USP34: variants seen among roughly 807,000 people sequenced by gnomAD.
The protein encoded by USP34 is ubiquitin carboxyl-terminal hydrolase 34.
In USP34, 70 loss-of-function variants were observed where a neutral mutation model predicts 460.3. The ratio of observed to expected loss-of-function variants is 0.15; its 90% CI spans 0.13 to 0.19. The LOEUF (loss-of-function observed/expected upper bound fraction) is 0.19, where lower values mean the gene tolerates loss of function less well. Ranked by LOEUF, USP34 falls within the 10% of genes least tolerant of loss-of-function variation. The pLI, the probability that USP34 is intolerant of heterozygous loss-of-function variation, is 1.00. For missense variants in USP34, 3,985 were observed against 4,236.2 expected (o/e 0.94, Z 1.65); for synonymous variants, 1,647 against 1,405.3 (o/e 1.17, Z -3.85).
intron 15 of USP34, among the ~76,000 whole-genome samples, chr2:61,346,064 ATTAGATGTGTAAAAT>A (rs1691757277): frequency 6.6e-6 from 1 of 152,224 alleles, no homozygotes; most frequent in African/African-American, 2.4e-5. Context: ...ATACCCTAAA[ATTAGATGTGTAAAAT>A]TTCCCTTTCT....
chr2:61,188,237 G>C lies in USP34; in HGVS notation c.10506C>G (p.Leu3502=), dbSNP rs748481815. ...PSQDPEVALS[L]SCGHSRGLFS... is the part of the protein sequence containing the mutation. ...AGAGTCCTCTGGAATGGCCACAACT[G>C]AGAGATAAAGCAACCTCAGGGTCCT... Residue 3502 remains leucine (L), a synonymous_variant, in exon 80 of 80, where the codon CTC becomes CTG. Transcript: ENST00000398571. The C allele has an allele frequency of 2.2e-5, 35 of 1,614,038 alleles. 1 individual carries two copies. The South Asian group carries it at 3.7e-4, about 17-fold the overall frequency.
chr2:61,338,047 C>A (rs1239588926), intron 18 of USP34, among the ~76,000 whole-genome samples: 9 of 152,172 alleles, frequency 5.9e-5, no homozygotes, highest in Admixed American at 5.9e-4. Flanking sequence ...ACCGGCCAGG[C>A]ACAGTGACTC....
intron 67 of USP34, among the ~76,000 whole-genome samples, chr2:61,215,404 A>G (rs565226939): frequency 2.0e-5 from 3 of 152,240 alleles, no homozygotes; most frequent in Non-Finnish European, 4.4e-5. Flanking sequence ...CAGAACATTA[A>G]CTTTGGAAAA....
intron 1 of USP34, among the ~76,000 whole-genome samples, chr2:61,445,222 TAAAAAAAAAA>T (rs57854651): frequency 2.5e-4 from 10 of 40,646 alleles, no homozygotes; most frequent in African/African-American, 9.5e-4. Flanking sequence ...AGAACCACAC[TAAAAAAAAAA>T]AAAAAAAAAA....
chr2:61,213,616 G>A (rs967057882), intron 68 of USP34, among the ~76,000 whole-genome samples: 2 of 152,174 alleles, frequency 1.3e-5, no homozygotes, highest in Non-Finnish European at 2.9e-5. Context: ...TTGTTTGGAT[G>A]CAGCTTGAGA....
At chr2:61,306,041 C>G (rs1027281016) in intron 27 of USP34, among the ~76,000 whole-genome samples, 2 of 152,140 alleles carry the variant, frequency 1.3e-5, no homozygotes, top group African/African-American at 4.8e-5. Flanking sequence ...TGCCTGTTCA[C>G]TCTGATGGTA....
chr2:61,188,211 A>G lies in USP34; in HGVS notation c.10532T>C (p.Phe3511Ser). 6.2e-7 allele frequency: 1 copy of G among 1,614,164 alleles called. No homozygotes were observed. The highest frequency in any genetic ancestry group is 8.5e-7 in the Non-Finnish European group (1 of 1,180,038). ...AATGTCATGTTGCTGCATATGACTA[A>G]AGAGTCCTCTGGAATGGCCACAACT... ...SLSCGHSRGLFSHMQQHDILD... is the reference protein window; with the variant it reads ...SLSCGHSRGLSSHMQQHDILD... The change falls in exon 80 of 80, where the codon TTT (phenylalanine) becomes TCT (serine). Residue 3511 changes from phenylalanine to serine, a missense_variant. Around this residue, in one of 14 missense-constraint regions of USP34, gnomAD observed 506 missense variants for 439.0 expected, o/e 1.15. Transcript: ENST00000398571.
At chr2:61,444,288 G>C (rs1695048727) in intron 1 of USP34, among the ~76,000 whole-genome samples, 1 of 151,870 alleles carries the variant, frequency 6.6e-6, no homozygotes, top group East Asian at 1.9e-4. Flanking sequence ...AAAAGCCTAA[G>C]AATTAAAATA....
At chr2:61,332,220 C>T (rs1368322965) in intron 19 of USP34, among the ~76,000 whole-genome samples, 1 of 151,984 alleles carries the variant, frequency 6.6e-6, no homozygotes, top group East Asian at 1.9e-4. Context: ...CAATTTTAAA[C>T]TATGGGCCAT....
intron 23 of USP34, among the ~76,000 whole-genome samples, chr2:61,316,609 G>GT (rs1258692896): frequency 7.1e-6 from 1 of 140,810 alleles, no homozygotes; most frequent in Non-Finnish European, 1.5e-5. Context: ...TAATGGCCTG[G>GT]TGCAGTGGCT....
chr2:61,211,932 A>G lies in USP34; in HGVS notation c.8683-3T>C, dbSNP rs1286394511. ...AGGTTAAACAGTTCTTCTACTGCCT[A>G]AAAAAGCCAAATAAGCCATATGATC... On this transcript the variant is annotated splice_polypyrimidine_tract_variant and splice_region_variant and intron_variant, in intron 68 of 79. Transcript: ENST00000398571. 2.5e-6 allele frequency: 4 copies of G among 1,598,198 alleles called. No homozygotes were observed. The African/African-American group carries it at 4.1e-5, about 16-fold the overall frequency.
rs1463018916 is a variant in USP34, at chr2:61,348,078, C to T, written c.2077G>A (p.Asp693Asn). 1.2e-6 allele frequency: 2 copies of T among 1,614,176 alleles called. No homozygotes were observed. Among genetic ancestry groups the T allele is most frequent in the Non-Finnish European group, 1.7e-6 (2 of 1,180,032 alleles). The change falls in exon 15 of 80, where the codon GAT (aspartate) becomes AAT (asparagine). Residue 693 changes from aspartate (D) to asparagine (N), a missense_variant. Asp to Asn is a conservative substitution (Grantham distance 23). Coordinates refer to ENST00000398571, the MANE Select transcript of USP34 (RefSeq NM_014709.4). ...GGGTCTTCAGAGTGTGAACAAGCAT[C>T]CAGCATTCGCATTCGATTATCTACT... ...PSVDNRMRML[D>N]ACSHSEDPEH... is the part of the protein sequence containing the mutation.
At chr2:61,447,033 T>TC (rs1405907529) in intron 1 of USP34, among the ~76,000 whole-genome samples, 2 of 151,972 alleles carry the variant, frequency 1.3e-5, no homozygotes, top group Non-Finnish European at 2.9e-5. Context: ...GGCAAGCAGA[T>TC]CACCTGAGGT....
At chr2:61,425,520 C>G (rs1448831838) in intron 1 of USP34, among the ~76,000 whole-genome samples, 1 of 152,062 alleles carries the variant, frequency 6.6e-6, no homozygotes, top group Non-Finnish European at 1.5e-5. Flanking sequence ...AAAACCAGAT[C>G]AAACCCAGGT....
chr2:61,362,166 C>T (rs891020964), intron 10 of USP34, among the ~76,000 whole-genome samples: 3 of 152,000 alleles, frequency 2.0e-5, no homozygotes, highest in African/African-American at 4.8e-5. Flanking sequence ...TAAATGTTAG[C>T]AAGAAATGTG....
intron 76 of USP34, among the ~76,000 whole-genome samples, chr2:61,191,746 T>G (rs1158553005): frequency 6.6e-6 from 1 of 152,104 alleles, no homozygotes; most frequent in Non-Finnish European, 1.5e-5. Flanking sequence ...CAATAGGTAG[T>G]GGGAGAGTAC....
chr2:61,304,025 G>A (rs1277082029), intron 27 of USP34, among the ~76,000 whole-genome samples: 4 of 152,122 alleles, frequency 2.6e-5, no homozygotes, highest in South Asian at 4.1e-4. Context: ...AGCCTTCCAA[G>A]TAGCTGGGAT....
intron 1 of USP34, among the ~76,000 whole-genome samples, chr2:61,462,816 T>C (rs1292865795): frequency 6.8e-6 from 1 of 146,430 alleles, no homozygotes; most frequent in Non-Finnish European, 1.5e-5. Flanking sequence ...GAGCCGAGAC[T>C]GTACCAATGC....
chr2:61,314,290 G>A (rs951147422), intron 25 of USP34, among the ~76,000 whole-genome samples: 1 of 151,980 alleles, frequency 6.6e-6, no homozygotes, highest in African/African-American at 2.4e-5. Flanking sequence ...TTTAATCAAA[G>A]TCAATACTTT....
Sources: gnomAD v4.1 joint callset for allele counts (sites outside exome capture counted in the v4.1 genomes callset) on GRCh38, gnomAD v4.1.1 for gene constraint, gnomAD v4.1.1 regional missense constraint, MANE v1.5 for transcripts, NCBI Gene and HGNC (gene_info 2026-07-23, HGNC 2026-07-21) for gene names.